Variants in SNX29 observed in about 807,000 individuals in gnomAD.
The protein encoded by SNX29 is sorting nexin 29, also known as sorting nexin-29.
In SNX29, 78 loss-of-function variants were observed where a neutral mutation model predicts 102.1. The ratio of observed to expected loss-of-function variants is 0.76; its 90% CI spans 0.64 to 0.92. The LOEUF (loss-of-function observed/expected upper bound fraction) is 0.92. Ranked by LOEUF, SNX29 falls within the 40% of genes least tolerant of loss-of-function variation. The pLI is 0.00. For synonymous variants in SNX29, 580 were observed against 414.5 expected (o/e 1.40, Z -4.85); for missense variants, 1,280 against 1,061.7 (o/e 1.21, Z -2.86).
intron 20 of SNX29, chr16:12,545,602 G>A (rs903338736): frequency 1.3e-5 from 2 of 152,198 alleles, no homozygotes; most frequent in Non-Finnish European, 2.9e-5. Context: ...GAATCCAGAG[G>A]TACAGAAAGC....
At chr16:12,482,313 C>T (rs916863652) in intron 19 of SNX29, among the ~76,000 whole-genome samples, 1 of 151,460 alleles carries the variant, frequency 6.6e-6, no homozygotes, top group Non-Finnish European at 1.5e-5. Flanking sequence ...TTTTCCCTTC[C>T]TTTCCTTTCA....
At chr16:12,543,095 AAGATGGATCCTGGCAGCTGCGTATCTTAT>A (rs1308613995) in intron 20 of SNX29, among the ~76,000 whole-genome samples, 1 of 152,182 alleles carries the variant, frequency 6.6e-6, no homozygotes, top group Non-Finnish European at 1.5e-5. Context: ...GTCTGGTGGA[AAGATGGATCCTGGCAGCTGCGTATCTTAT>A]AGATGGTTTA....
intron 20 of SNX29, among the ~76,000 whole-genome samples, chr16:12,538,295 G>T (rs576973148): frequency 6.6e-6 from 1 of 151,662 alleles, no homozygotes; most frequent in African/African-American, 2.4e-5. Context: ...TTGTATTTTT[G>T]TTTTTTAGTA....
chr16:12,018,572 G>C (rs1596606048), intron 3 of SNX29, among the ~76,000 whole-genome samples: 1 of 150,338 alleles, frequency 6.7e-6, no homozygotes, highest in Non-Finnish European at 1.5e-5. Context: ...GACAGAGTGA[G>C]ACTCTGTCTC....
At chr16:12,535,449 C>G (rs1014736763) in intron 20 of SNX29, among the ~76,000 whole-genome samples, 9 of 152,186 alleles carry the variant, frequency 5.9e-5, no homozygotes, top group African/African-American at 1.7e-4. Flanking sequence ...CATTTATTAA[C>G]ACATCCTTTC....
At chr16:12,042,856 C>A in intron 4 of SNX29, 41 bp from the exon 5 acceptor site, 1 of 1,569,384 alleles carries the variant, frequency 6.4e-7, no homozygotes, top group Non-Finnish European at 8.7e-7. Context: ...GTGCTGAGTG[C>A]CCCAGGCCGA....
At chr16:12,486,476 C>A (rs1426377524) in intron 19 of SNX29, among the ~76,000 whole-genome samples, 2 of 152,194 alleles carry the variant, frequency 1.3e-5, no homozygotes, top group Admixed American at 1.3e-4. Context: ...TACTGTTAGC[C>A]CACTTTACAA....
At chr16:12,533,928 G>A (rs2076999370) in intron 20 of SNX29, among the ~76,000 whole-genome samples, 1 of 152,242 alleles carries the variant, frequency 6.6e-6, no homozygotes, top group African/African-American at 2.4e-5. Context: ...AAAATCTGAT[G>A]TTTAAGTTGG....
chr16:12,480,265 G>T (rs2087845574), intron 19 of SNX29, among the ~76,000 whole-genome samples: 1 of 152,124 alleles, frequency 6.6e-6, no homozygotes, highest in African/African-American at 2.4e-5. Flanking sequence ...ACGTCACCCA[G>T]GCCTCTTCCT....
At chr16:12,356,133 A>G in intron 15 of SNX29, 30 bp from the exon 16 acceptor site, 1 of 1,596,442 alleles carries the variant, frequency 6.3e-7, no homozygotes, top group Non-Finnish European at 8.5e-7. Context: ...GTCTGCCTCT[A>G]AGCCTCACCT....
chr16:12,517,645 G>A (rs895447114), intron 19 of SNX29, among the ~76,000 whole-genome samples: 5 of 152,176 alleles, frequency 3.3e-5, no homozygotes, highest in African/African-American at 7.2e-5. Flanking sequence ...GATAGGCTCC[G>A]GCGATAAAGG....
intron 18 of SNX29, among the ~76,000 whole-genome samples, chr16:12,417,749 A>T (rs2084701169): frequency 6.9e-6 from 1 of 145,378 alleles, no homozygotes; most frequent in South Asian, 2.2e-4. Flanking sequence ...TTGTCTCCTC[A>T]CCCTCCTCAC....
At chr16:11,993,411 G>C (rs921787317) in intron 1 of SNX29, among the ~76,000 whole-genome samples, 1 of 152,090 alleles carries the variant, frequency 6.6e-6, no homozygotes, top group Non-Finnish European at 1.5e-5. Flanking sequence ...TGCTTTGCCT[G>C]GGCTTTGGAG....
chr16:12,336,444 C>T (rs749053524), intron 15 of SNX29, among the ~76,000 whole-genome samples: 18 of 152,196 alleles, frequency 1.2e-4, no homozygotes, highest in Admixed American at 4.6e-4. Flanking sequence ...CGTGTTGGCA[C>T]GTTTCACTGG....
intron 3 of SNX29, among the ~76,000 whole-genome samples, chr16:12,020,106 A>T (rs1001823417): frequency 6.6e-6 from 1 of 152,012 alleles, no homozygotes; most frequent in Non-Finnish European, 1.5e-5. Context: ...CCAAGTGTTA[A>T]ATATTTAGGC....
At chr16:12,068,125 G>A (rs949050344) in intron 9 of SNX29, among the ~76,000 whole-genome samples, 2 of 152,098 alleles carry the variant, frequency 1.3e-5, no homozygotes, top group Non-Finnish European at 2.9e-5. Flanking sequence ...ATTATACCCG[G>A]TTTCTGGCCC....
chr16:12,112,512 A>G (rs1290527591), intron 11 of SNX29, among the ~76,000 whole-genome samples: 1 of 152,178 alleles, frequency 6.6e-6, no homozygotes, highest in Admixed American at 6.5e-5. Context: ...CGTGAGGGAA[A>G]CGCAGAAGGC....
intron 16 of SNX29, among the ~76,000 whole-genome samples, chr16:12,379,422 C>A (rs902150400): frequency 2.0e-5 from 3 of 152,200 alleles, no homozygotes; most frequent in African/African-American, 7.2e-5. Context: ...TATTCCCAGC[C>A]ATTTTCCTTT....
chr16:12,555,344 A>G (rs2078265514), intron 20 of SNX29, among the ~76,000 whole-genome samples: 1 of 151,862 alleles, frequency 6.6e-6, no homozygotes, highest in South Asian at 2.1e-4. Flanking sequence ...CCTGAGAAAC[A>G]TGTTGGTTAA....
Sources: allele counts gnomAD v4.1 joint callset (sites outside exome capture counted in the v4.1 genomes callset), GRCh38; gene constraint gnomAD v4.1.1; transcripts MANE v1.5; gene names NCBI Gene and HGNC (gene_info 2026-07-23, HGNC 2026-07-21).